The following ARMH4 variants were observed in gnomAD, a reference collection of about 807,000 sequenced individuals.
ARMH4 encodes the protein armadillo like helical domain containing 4, also known as armadillo-like helical domain-containing protein 4.
A neutral mutation model predicts 61.9 loss-of-function variants in ARMH4; 49 were observed. The observed-to-expected ratio is 0.79, with a 90% confidence interval of 0.63 to 1.00. The LOEUF (loss-of-function observed/expected upper bound fraction) is 1.00, where lower values mean the gene tolerates loss of function less well. Among genes scored for constraint, ARMH4 ranks in the 50% least tolerant of loss-of-function variants. The pLI, the probability that ARMH4 is intolerant of heterozygous loss-of-function variation, is 0.00. For missense variants in ARMH4, 934 were observed against 930.0 expected (o/e 1.00, Z -0.06); for synonymous variants, 368 against 341.5 (o/e 1.08, Z -0.85).
At chr14:58,053,273 A>T (rs926467886) in intron 5 of ARMH4, among the ~76,000 whole-genome samples, 1 of 152,310 alleles carries the variant, frequency 6.6e-6, no homozygotes, top group Middle Eastern at 3.4e-3. Context: ...GTGCTATTCT[A>T]TCCTATTTTA....
chr14:58,023,750 T>C (rs115721583), intron 5 of ARMH4, among the ~76,000 whole-genome samples: 2,426 of 152,290 alleles, frequency 0.016, 71 homozygotes, highest in African/African-American at 0.053. Flanking sequence ...TAATAAGACA[T>C]GAAGGTCAAA....
chr14:58,054,044 GA>G (rs940223307), intron 5 of ARMH4, among the ~76,000 whole-genome samples: 1 of 152,158 alleles, frequency 6.6e-6, no homozygotes, highest in Non-Finnish European at 1.5e-5. Context: ...AAGACTCTGT[GA>G]AAAGTATTTA....
chr14:58,098,775 CTTTTTTT>C (rs5808958), intron 4 of ARMH4, among the ~76,000 whole-genome samples: 1 of 143,808 alleles, frequency 7.0e-6, no homozygotes, highest in Non-Finnish European at 1.5e-5. Flanking sequence ...CCAGATCTGA[CTTTTTTT>C]TTTTTTAAGT....
intron 4 of ARMH4, among the ~76,000 whole-genome samples, chr14:58,121,698 T>C (rs1886730495): frequency 6.6e-6 from 1 of 152,098 alleles, no homozygotes; most frequent in African/African-American, 2.4e-5. Flanking sequence ...AGCACGATGA[T>C]TTCAGGAAAA....
At chr14:58,081,075 C>T (rs556432942) in intron 5 of ARMH4, among the ~76,000 whole-genome samples, 6 of 150,712 alleles carry the variant, frequency 4.0e-5, no homozygotes, top group Admixed American at 2.0e-4. Flanking sequence ...GTACTCCAGC[C>T]GGGGACACAG....
chr14:58,101,944 GGAGAGA>G (rs371737384), intron 4 of ARMH4, among the ~76,000 whole-genome samples: 1 of 151,458 alleles, frequency 6.6e-6, no homozygotes, highest in East Asian at 1.9e-4. Context: ...GGTGAATGAA[GGAGAGA>G]GAGAGAGAGA....
chr14:58,014,412 G>A (rs971182366), intron 5 of ARMH4, among the ~76,000 whole-genome samples: 2 of 152,132 alleles, frequency 1.3e-5, no homozygotes, highest in African/African-American at 4.8e-5. Context: ...ATCCACCGCT[G>A]ATTCACTGAG....
intron 5 of ARMH4, among the ~76,000 whole-genome samples, chr14:58,068,345 A>G (rs1884771005): frequency 6.6e-6 from 1 of 152,114 alleles, no homozygotes; most frequent in Non-Finnish European, 1.5e-5. Flanking sequence ...CAATGACTAG[A>G]GTAATTGCCT....
chr14:58,062,157 G>A (rs1884552523), intron 5 of ARMH4, among the ~76,000 whole-genome samples: 1 of 152,088 alleles, frequency 6.6e-6, no homozygotes, highest in South Asian at 2.1e-4. Flanking sequence ...TGGCAACATA[G>A]TGGCACCCAG....
intron 5 of ARMH4, among the ~76,000 whole-genome samples, chr14:58,071,901 G>A (rs1054330394): frequency 2.0e-5 from 3 of 152,188 alleles, no homozygotes; most frequent in Admixed American, 6.5e-5. Context: ...TGCGAATGTC[G>A]GATGGAGTAA....
chr14:58,041,197 G>A (rs1303697840), intron 5 of ARMH4, among the ~76,000 whole-genome samples: 1 of 152,152 alleles, frequency 6.6e-6, no homozygotes, highest in African/African-American at 2.4e-5. Flanking sequence ...AGGGGTCAGA[G>A]AATTCCCTTT....
rs1449146287 is a variant in ARMH4, at chr14:58,138,333, C to T, written c.1026G>A (p.Met342Ile). 6.2e-7 allele frequency: 1 copy of T among 1,614,112 alleles called. No individual in the cohort carries two copies. Among genetic ancestry groups the T allele is most frequent in the African/African-American group, 1.3e-5 (1 of 74,944 alleles). Reference sequence around the variant, plus strand: ...CATGGCTTACTTGTGCTGTCTGAGACATCTCCGTTCTCACCTGAGTCTCTT... The same window carrying T: ...CATGGCTTACTTGTGCTGTCTGAGATATCTCCGTTCTCACCTGAGTCTCTT... Reference protein sequence around the residue: ...DNEETQVRTEMSQTAQVSHEG... With the variant: ...DNEETQVRTEISQTAQVSHEG... Residue 342 changes from methionine to isoleucine, a missense_variant, in exon 2 of 8, where the codon ATG becomes ATA. Met to Ile is a conservative substitution (Grantham distance 10). Transcript: ENST00000267485.
intron 5 of ARMH4, among the ~76,000 whole-genome samples, chr14:58,019,235 AAG>A (rs1882725408): frequency 6.6e-6 from 1 of 152,172 alleles, no homozygotes. Context: ...AAATTGCTAA[AAG>A]AGTAGATTTT....
intron 4 of ARMH4, among the ~76,000 whole-genome samples, chr14:58,102,759 C>T (rs1053781661): frequency 7.3e-6 from 1 of 137,288 alleles, no homozygotes; most frequent in African/African-American, 2.8e-5. Flanking sequence ...TGCAGTGAGC[C>T]GAGATTGCGC....
chr14:58,030,863 T>A (rs1046278565), intron 5 of ARMH4, among the ~76,000 whole-genome samples: 2 of 152,342 alleles, frequency 1.3e-5, no homozygotes, highest in African/African-American at 4.8e-5. Flanking sequence ...ATATTGTTTA[T>A]CCATACACCC....
chr14:58,116,172 A>T (rs1263782020), intron 4 of ARMH4: 1 of 152,888 alleles, frequency 6.5e-6, no homozygotes, highest in African/African-American at 2.4e-5. Flanking sequence ...TAATCTATAA[A>T]AATTTCTTGA....
chr14:58,102,239 A>G (rs897079785), intron 4 of ARMH4, among the ~76,000 whole-genome samples: 5 of 152,168 alleles, frequency 3.3e-5, no homozygotes, highest in African/African-American at 7.2e-5. Flanking sequence ...GGGTAGAGAA[A>G]GGAAAGCAAG....
intron 5 of ARMH4, among the ~76,000 whole-genome samples, chr14:58,025,289 T>C (rs936913224): frequency 3.3e-5 from 5 of 152,204 alleles, no homozygotes; most frequent in African/African-American, 1.2e-4. Context: ...TTCAGACTAC[T>C]TGAATTTATA....
chr14:58,140,859 C>T (rs140355726), intron 1 of ARMH4, among the ~76,000 whole-genome samples: 91 of 152,212 alleles, frequency 6.0e-4, no homozygotes, highest in South Asian at 1.2e-3. Flanking sequence ...GCCAAGATCG[C>T]GCCATCACAG....
Sources: allele counts gnomAD v4.1 joint callset (sites outside exome capture counted in the v4.1 genomes callset), GRCh38; gene constraint gnomAD v4.1.1; transcripts MANE v1.5; gene names NCBI Gene and HGNC (gene_info 2026-07-23, HGNC 2026-07-21).